CEP72: variants seen among roughly 807,000 people sequenced by gnomAD.
CEP72 encodes centrosomal protein 72.
Under a neutral mutation model 65.7 loss-of-function variants are expected in CEP72, and 78 were observed. The ratio of observed to expected loss-of-function variants is 1.19; its 90% CI spans 0.99 to 1.43. CEP72 has a LOEUF of 1.43. Ranked by LOEUF, CEP72 falls within the 40% of genes most tolerant of loss-of-function variation. CEP72 has a pLI of 0.00. For missense variants in CEP72, 914 were observed against 832.9 expected (o/e 1.10, Z -1.20); for synonymous variants, 358 against 351.7 (o/e 1.02, Z -0.20).
At chr5:669,149 AG>A (rs1740087823), downstream of CEP72, among the ~76,000 whole-genome samples, 2 of 152,122 alleles carry the variant, frequency 1.3e-5, no homozygotes, top group African/African-American at 4.8e-5. Flanking sequence ...CTGTGTCCGG[AG>A]GGGGCTTTGG....
chr5:640,435 T>C lies in CEP72; in HGVS notation c.1370T>C (p.Val457Ala). ...CAGGCAAGACACATCTTGTCATCTG[T>C]TGAAGAATTCACAGCAGCTCAGGAC... ...LAQARHILSS[V>A]EEFTAAQDSS... The change falls in exon 9 of 12, where the codon GTT becomes GCT. Residue 457 changes from valine to alanine, a missense_variant. Physicochemically the swap from Val to Ala is moderately conservative, Grantham distance 64. Transcript: ENST00000264935. The C allele has an allele frequency of 1.9e-6, 3 of 1,614,118 alleles. No homozygotes were observed. The highest frequency in any genetic ancestry group is 2.5e-6 in the Non-Finnish European group (3 of 1,179,970).
chr5:674,493 G>A, the CEP72 span, among the ~76,000 whole-genome samples: 3 of 151,874 alleles, frequency 2.0e-5, no homozygotes, highest in Non-Finnish European at 4.4e-5. Context: ...CTCCCGGTCC[G>A]AGTGCCCGGG....
At chr5:614,891 A>G (rs538262342) in intron 1 of CEP72, among the ~76,000 whole-genome samples, 5 of 152,184 alleles carry the variant, frequency 3.3e-5, no homozygotes, top group Non-Finnish European at 7.3e-5. Context: ...ATGTAAATAC[A>G]TAAATATCAA....
rs1219567884 is a variant in CEP72, at chr5:639,108, CG to C, written c.1228del (p.Ala410LeufsTer90). 5.0e-6 allele frequency: 8 copies of C among 1,613,202 alleles called. No individual in the cohort carries two copies. Among genetic ancestry groups the C allele is most frequent in the Non-Finnish European group, 5.9e-6 (7 of 1,179,862 alleles). The stretch of plus-strand genomic sequence containing the variant: ...TCACAGCCGTCTCCCGGGTCACACT[CG>C]GCTCTACCCGGGAAGAAGACGGCCC... The part of the protein sequence containing the change: ...DTREPSPGSH[S>X]ALPGKKTALQ... On this transcript the variant is annotated frameshift_variant, in exon 8 of 12. Coordinates refer to ENST00000264935, the MANE Select transcript of CEP72 (RefSeq NM_018140.4). LOFTEE classifies it high-confidence loss of function.
chr5:639,335 C>A, intron 8 of CEP72, 111 bp downstream of exon 8: 1 of 1,286,048 alleles, frequency 7.8e-7, no homozygotes, highest in African/African-American at 1.5e-5. Flanking sequence ...CTCCTATGTC[C>A]CCTCCCACGA....
chr5:666,928 G>C (rs1410623625), exon 5 of CEP72: 1 of 152,190 alleles, frequency 6.6e-6, no homozygotes, highest in African/African-American at 2.4e-5. Context: ...TGTGGATGAG[G>C]CTCAGCTCTG....
chr5:626,390 G>A (rs575612773), intron 4 of CEP72, among the ~76,000 whole-genome samples: 1 of 152,174 alleles, frequency 6.6e-6, no homozygotes, highest in South Asian at 2.1e-4. Context: ...TTCATGCGGA[G>A]AAGGCTCTCT....
At position 624,250 on chromosome 5, in the gene CEP72, C is replaced by T. The variant is rs939616567; in HGVS notation, c.404-221C>T. Among the ~76,000 whole-genome samples, 2 of 152,198 alleles carry T rather than the reference C, an allele frequency of 1.3e-5. No individual in the cohort carries two copies. Among genetic ancestry groups the T allele is most frequent in the East Asian group, 1.9e-4 (1 of 5,182 alleles). On this transcript the variant is annotated intron_variant, in intron 3 of 11. Coordinates refer to ENST00000264935, the MANE Select transcript of CEP72 (RefSeq NM_018140.4). The surrounding 1 kb of genome is among the most constrained non-coding windows in gnomAD (Gnocchi z 4.7). ...AGCCTCATCTGTGTGCGGCTGCTCC[C>T]GTGCGCAGCAGTGAGCTCTGAGGGA...
At chr5:634,068 T>G (rs959393545) in intron 5 of CEP72, 121 bp downstream of exon 5, 2 of 837,754 alleles carry the variant, frequency 2.4e-6, no homozygotes, top group African/African-American at 3.4e-5. Flanking sequence ...GGATAGGATC[T>G]TCATGATGTG....
intron 9 of CEP72, chr5:642,350 C>A: frequency 1.0e-6 from 1 of 985,354 alleles, no homozygotes; most frequent in South Asian, 4.7e-5. Context: ...CACACATGGC[C>A]CCTTCTCTGG....
chr5:619,475 T>C (rs577731949), intron 2 of CEP72, among the ~76,000 whole-genome samples: 1 of 152,246 alleles, frequency 6.6e-6, no homozygotes, highest in East Asian at 1.9e-4. Context: ...CATGGCCTGA[T>C]TGGCCCTGAC....
Position 618,103 on chromosome 5 carries a change from G to A in CEP72, c.83-887G>A, listed in dbSNP as rs1294054194. ...TTTCAGATGGTGATGGCTGCAAGGG[G>A]TGACAGAATTGAGCAGCCAGAAGTG... On this transcript the variant is annotated intron_variant, in intron 1 of 11. Coordinates refer to ENST00000264935, the MANE Select transcript of CEP72 (RefSeq NM_018140.4). Among the ~76,000 whole-genome samples, 5 of 152,164 alleles carry A rather than the reference G, an allele frequency of 3.3e-5. No individual in the cohort carries two copies. The South Asian group carries it at 1.0e-3, about 32-fold the overall frequency.
intron 9 of CEP72, chr5:644,072 TTC>T: frequency 1.9e-6 from 1 of 513,558 alleles, no homozygotes; most frequent in Non-Finnish European, 3.5e-6. Flanking sequence ...GGGCGCTCCT[TTC>T]CATCCCTCTC....
In CEP72 at chr5:626,443, T is replaced by C. The variant is rs115115606; in HGVS notation, c.512+1864T>C. 1.4e-3 allele frequency among the ~76,000 whole-genome samples: 208 copies of C among 152,328 alleles called. 1 individual carries two copies. Among genetic ancestry groups the C allele is most frequent in the African/African-American group, 4.8e-3 (198 of 41,568 alleles). On this transcript the variant is annotated intron_variant, in intron 4 of 11. Transcript: ENST00000264935. ...GAAAGGAATCATCATGAAGGAGTGT[T>C]AGATTTTGTCAAATGCTTTTTCTGC...
At chr5:663,097 ATTCCGGTGGCCGCTC>A (rs1739730149) in intron 1 of CEP72, 2 of 148,092 alleles carry the variant, frequency 1.4e-5, no homozygotes, top group Admixed American at 1.3e-4. Flanking sequence ...TGATTGGGCG[ATTCCGGTGGCCGCTC>A]GTCTGTGATC....
chr5:655,592 TGGGGTAGTG>T (rs1739355350), downstream of CEP72: 1 of 126,826 alleles, frequency 7.9e-6, no homozygotes, highest in Non-Finnish European at 1.7e-5. The surrounding 1 kb of genome is among the most constrained non-coding windows in gnomAD (Gnocchi z 5.0). Context: ...CCGGTGGGTG[TGGGGTAGTG>T]GAGGGAGTGG....
At chr5:657,484 A>G (rs1739409189), downstream of CEP72, among the ~76,000 whole-genome samples, 2 of 152,180 alleles carry the variant, frequency 1.3e-5, no homozygotes, top group Non-Finnish European at 2.9e-5. Context: ...TTTACTTAAG[A>G]TTATAATTAT....
intron 11 of CEP72, among the ~76,000 whole-genome samples, chr5:652,138 T>G (rs1052104467): frequency 8.5e-5 from 13 of 152,306 alleles, no homozygotes; most frequent in South Asian, 2.1e-4. Flanking sequence ...TGGAACCTGG[T>G]GGGCCTGTCT....
chr5:640,442 A>G lies in CEP72; in HGVS notation c.1377A>G (p.Glu459=). 1 of 1,614,220 alleles carries G rather than the reference A, an allele frequency of 6.2e-7. No individual in the cohort carries two copies. Among genetic ancestry groups the G allele is most frequent in the Non-Finnish European group, 8.5e-7 (1 of 1,180,022 alleles). Residue 459 remains glutamate, a synonymous_variant, in exon 9 of 12, where the codon GAA becomes GAG. Transcript: ENST00000264935. ...QARHILSSVE[E]FTAAQDSSAM... is the part of the protein sequence containing the mutation. Reference sequence around the variant, plus strand: ...GACACATCTTGTCATCTGTTGAAGAATTCACAGCAGCTCAGGACAGCTCTG... The same window carrying G: ...GACACATCTTGTCATCTGTTGAAGAGTTCACAGCAGCTCAGGACAGCTCTG...
Sources: allele counts gnomAD v4.1 joint callset (sites outside exome capture counted in the v4.1 genomes callset), GRCh38; gene constraint gnomAD v4.1.1; non-coding constraint Gnocchi (gnomAD v3.1); transcripts MANE v1.5; gene names NCBI Gene and HGNC (gene_info 2026-07-23, HGNC 2026-07-21).